Variants in WDR12 observed in about 807,000 individuals in gnomAD.
WDR12 encodes the protein WD repeat domain 12, also known as ribosome biogenesis protein WDR12.
Under a neutral mutation model 64.3 loss-of-function variants are expected in WDR12, and 42 were observed. The ratio of observed to expected loss-of-function variants is 0.65; its 90% CI spans 0.51 to 0.84. WDR12 has a LOEUF of 0.84. Ranked by LOEUF, WDR12 falls within the 40% of genes least tolerant of loss-of-function variation. The pLI, the probability that WDR12 is intolerant of heterozygous loss-of-function variation, is 0.00. For synonymous variants in WDR12, 158 were observed against 173.3 expected (o/e 0.91, Z 0.70); for missense variants, 469 against 494.6 (o/e 0.95, Z 0.49).
intron 7 of WDR12, 148 bp downstream of exon 7, chr2:202,894,433 G>A: frequency 1.7e-6 from 1 of 599,042 alleles, no homozygotes; most frequent in Non-Finnish European, 2.9e-6. Context: ...TGTGGCCTAG[G>A]CTGCTCTTGA....
intron 2 of WDR12, among the ~76,000 whole-genome samples, chr2:202,904,856 G>A (rs1688424922): frequency 6.6e-6 from 1 of 151,990 alleles, no homozygotes; most frequent in Non-Finnish European, 1.5e-5. Flanking sequence ...GCACAGCAAA[G>A]GAAACAATTA....
At chr2:202,891,885 A>G (rs952386095) in intron 8 of WDR12, among the ~76,000 whole-genome samples, 1 of 152,224 alleles carries the variant, frequency 6.6e-6, no homozygotes, top group Non-Finnish European at 1.5e-5. Flanking sequence ...AGCACAGAGT[A>G]CAACAGTGGT....
At chr2:202,901,975 G>A (rs1250337240) in intron 2 of WDR12, among the ~76,000 whole-genome samples, 2 of 152,042 alleles carry the variant, frequency 1.3e-5, no homozygotes, top group Non-Finnish European at 2.9e-5. Flanking sequence ...CATAGGGCTT[G>A]GATTATATCA....
intron 2 of WDR12, among the ~76,000 whole-genome samples, chr2:202,903,361 T>A (rs185951065): frequency 6.6e-6 from 1 of 151,588 alleles, no homozygotes; most frequent in Non-Finnish European, 1.5e-5. Flanking sequence ...AAGCCTTTCC[T>A]CTAACATCTG....
At chr2:202,888,158 C>G (rs1688084635) in intron 8 of WDR12, among the ~76,000 whole-genome samples, 1 of 152,140 alleles carries the variant, frequency 6.6e-6, no homozygotes, top group African/African-American at 2.4e-5. Context: ...CCAACAACCT[C>G]AAAAAATGTC....
Position 202,896,042 on chromosome 2 carries a change from CTAA to C in WDR12, c.609+20_609+22del, listed in dbSNP as rs956717207. 6.2e-7 allele frequency: 1 copy of C among 1,607,478 alleles called. No homozygotes were observed. Among genetic ancestry groups the C allele is most frequent in the African/African-American group, 1.3e-5 (1 of 74,646 alleles). On this transcript the variant is annotated intron_variant, in intron 6 of 12. Coordinates refer to ENST00000261015, the MANE Select transcript of WDR12 (RefSeq NM_018256.4). Reference sequence around the variant, plus strand: ...GCTCAAATTCAAATTTAACAGAGTACTAATAATATTCTAGCTACTTACTTTAGT... The same window carrying C: ...GCTCAAATTCAAATTTAACAGAGTACTAATATTCTAGCTACTTACTTTAGT...
intron 7 of WDR12, 134 bp downstream of exon 7, chr2:202,894,447 C>G: frequency 3.0e-6 from 2 of 658,534 alleles, no homozygotes; most frequent in Admixed American, 3.4e-5. Context: ...CTCTTGAACT[C>G]GTGGCCTCAA....
intron 8 of WDR12, among the ~76,000 whole-genome samples, chr2:202,887,522 G>T (rs549497228): frequency 3.3e-5 from 5 of 152,250 alleles, no homozygotes; most frequent in Admixed American, 1.3e-4. Flanking sequence ...GTGAGAAACA[G>T]AACAATCTCT....
rs1024075989 is a variant in WDR12, at chr2:202,876,536, G to C, written c.*4324C>G. On this transcript the variant is annotated 3_prime_UTR_variant, in exon 13 of 13. Coordinates refer to ENST00000261015, the MANE Select transcript of WDR12 (RefSeq NM_018256.4). ...GCCTAATGAAATCTGATTCTAATTA[G>C]TGGCTTTTTAAATAAAAAAGATATT... The C allele has an allele frequency of 5.9e-5, 9 of 152,232 alleles. No individual in the cohort carries two copies. The highest frequency in any genetic ancestry group is 2.2e-4 in the African/African-American group (9 of 41,524). The allele number at this position is 152,232 out of a possible 1,614,324, so 9.4% of individuals were successfully genotyped here.
At position 202,911,532 on chromosome 2, in the gene WDR12, C is replaced by T; in HGVS notation, c.-56G>A. ...AACGTACGGGTTAGCAGACCCACAACACGAAGCTCCTGCCTTTTAAGACTA... is the reference window on the plus strand; with the variant it reads ...AACGTACGGGTTAGCAGACCCACAATACGAAGCTCCTGCCTTTTAAGACTA... On this transcript the variant is annotated 5_prime_UTR_variant, in exon 1 of 13. Coordinates refer to ENST00000261015, the MANE Select transcript of WDR12 (RefSeq NM_018256.4). The T allele has an allele frequency of 6.5e-7, 1 of 1,529,824 alleles. No individual in the cohort carries two copies. The highest frequency in any genetic ancestry group is 9.1e-7 in the Non-Finnish European group (1 of 1,103,248). 94.8% of individuals were successfully genotyped at this position (1,529,824 alleles called of 1,614,324 possible). A position where few individuals can be genotyped will look rare whatever the true frequency, so the allele number is the denominator to read the frequency against.
intron 11 of WDR12, among the ~76,000 whole-genome samples, chr2:202,883,253 A>T (rs530154002): frequency 1.3e-5 from 2 of 152,260 alleles, no homozygotes; most frequent in South Asian, 4.1e-4. Context: ...CTCCTGCCTC[A>T]GCCTCCTGTG....
At chr2:202,892,311 C>A (rs1337269611) in intron 8 of WDR12, among the ~76,000 whole-genome samples, 1 of 152,092 alleles carries the variant, frequency 6.6e-6, no homozygotes, top group Non-Finnish European at 1.5e-5. Flanking sequence ...AGATGCTTCA[C>A]TTTAGTGTAA....
At chr2:202,882,909 C>T (rs1687981037) in intron 11 of WDR12, 126 bp from the exon 12 acceptor site, 1 of 710,438 alleles carries the variant, frequency 1.4e-6, no homozygotes, top group Non-Finnish European at 2.3e-6. Flanking sequence ...ACCACTTAAT[C>T]TTAAAATTCT....
chr2:202,895,985 G>T, intron 6 of WDR12, 80 bp downstream of exon 6: 1 of 1,505,306 alleles, frequency 6.6e-7, no homozygotes, highest in East Asian at 2.3e-5. Context: ...CCAACACAAT[G>T]AATATATGCA....
intron 4 of WDR12, among the ~76,000 whole-genome samples, chr2:202,898,470 A>G (rs1272894181): frequency 6.6e-6 from 1 of 152,198 alleles, no homozygotes; most frequent in Non-Finnish European, 1.5e-5. Flanking sequence ...AGTATTTTGT[A>G]CTTAACCAGT....
At chr2:202,911,325 A>G in intron 1 of WDR12, 111 bp downstream of exon 1, 1 of 1,071,806 alleles carries the variant, frequency 9.3e-7, no homozygotes, top group Non-Finnish European at 1.4e-6. Flanking sequence ...GTAATCTCAG[A>G]AAAAAGGGTG....
chr2:202,902,942 G>A (rs970987552), intron 2 of WDR12, among the ~76,000 whole-genome samples: 4 of 152,262 alleles, frequency 2.6e-5, no homozygotes, highest in African/African-American at 9.6e-5. Context: ...AGCCGGGTGT[G>A]GTGGCACGCG....
At position 202,883,693 on chromosome 2, in the gene WDR12, G is replaced by C. The variant is rs1687995267; in HGVS notation, c.1037C>G (p.Thr346Arg). 1 of 1,614,042 alleles carries C rather than the reference G, an allele frequency of 6.2e-7. No homozygotes were observed. Among genetic ancestry groups the C allele is most frequent in the Non-Finnish European group, 8.5e-7 (1 of 1,179,932 alleles). Reference sequence around the variant, plus strand: ...ATGGGTAGGAGACCATTTTACTGATGTCACCCAACCAGTATGTGACGTTAG... The same window carrying C: ...ATGGGTAGGAGACCATTTTACTGATCTCACCCAACCAGTATGTGACGTTAG... The part of the protein sequence containing the change: ...LSLTSHTGWV[T>R]SVKWSPTHEQ... Residue 346 changes from threonine to arginine, a missense_variant, in exon 11 of 13, where the codon ACA (threonine) becomes AGA (arginine). Coordinates refer to ENST00000261015, the MANE Select transcript of WDR12 (RefSeq NM_018256.4).
intron 1 of WDR12, among the ~76,000 whole-genome samples, 161 bp downstream of exon 1, chr2:202,911,275 T>G (rs369487098): frequency 4.3e-4 from 66 of 152,166 alleles, no homozygotes; most frequent in African/African-American, 1.6e-3. Flanking sequence ...ACACTCACAA[T>G]TCAAATTATA....
Sources: gnomAD v4.1 joint callset for allele counts (sites outside exome capture counted in the v4.1 genomes callset) on GRCh38, gnomAD v4.1.1 for gene constraint, MANE v1.5 for transcripts, NCBI Gene and HGNC (gene_info 2026-07-23, HGNC 2026-07-21) for gene names.